Variants in SQSTM1 observed in about 807,000 individuals in gnomAD.
SQSTM1 encodes the protein sequestosome-1.
A neutral mutation model predicts 45.1 loss-of-function variants in SQSTM1; 36 were observed. The ratio of observed to expected loss-of-function variants is 0.80; its 90% CI spans 0.61 to 1.05. The LOEUF is 1.05. Among genes scored for constraint, SQSTM1 ranks in the 50% least tolerant of loss-of-function variants. The probability of loss-of-function intolerance (pLI) is 0.00; values close to 1 mark genes in which losing one functional copy is unlikely to be tolerated. For synonymous variants in SQSTM1, 290 were observed against 244.3 expected (o/e 1.19, Z -1.74); for missense variants, 617 against 607.1 (o/e 1.02, Z -0.17).
At chr5:179,821,213 C>G in intron 1 of SQSTM1, 72 bp downstream of exon 1, 3 of 1,287,372 alleles carry the variant, frequency 2.3e-6, no homozygotes, top group Non-Finnish European at 2.0e-6. Flanking sequence ...GGTGGCTGCC[C>G]CCTCCCTTCT....
intron 2 of SQSTM1, chr5:179,813,639 A>T (rs1757499839): frequency 6.6e-6 from 1 of 152,046 alleles, no homozygotes; most frequent in South Asian, 2.1e-4. Context: ...GTTGGCATGT[A>T]CCTGTAGTCC....
intron 5 of SQSTM1, among the ~76,000 whole-genome samples, chr5:179,827,206 TCA>T (rs34923839): frequency 0.5 from 76,643 of 151,854 alleles, 19,799 homozygotes; most frequent in East Asian, 0.79. Flanking sequence ...GTGCTTGGGG[TCA>T]CACTGTCTCA....
chr5:179,834,573 T>TA lies in SQSTM1; in HGVS notation c.1165+791_1165+792insA, dbSNP rs556972914. ...GAGGACCCTGCGGCCTTCCGCAGCG[T>TA]TTGTGTCCCTGGGTACTTGAGATTA... On this transcript the variant is annotated intron_variant, in intron 7 of 7. Coordinates refer to ENST00000389805, the MANE Select transcript of SQSTM1 (RefSeq NM_003900.5). 9.3e-3 allele frequency among the ~76,000 whole-genome samples: 1,416 copies of TA among 151,696 alleles called. 24 individuals are homozygous for TA. The highest frequency in any genetic ancestry group is 0.033 in the African/African-American group (1,352 of 41,276).
At chr5:179,833,270 C>G (rs997524967) in intron 6 of SQSTM1, 24 bp downstream of exon 6, 106 of 1,548,238 alleles carry the variant, frequency 6.8e-5, no homozygotes, top group Non-Finnish European at 8.8e-5. Flanking sequence ...CCTCCCGCCA[C>G]CTGGGACCAC....
upstream of SQSTM1, among the ~76,000 whole-genome samples, chr5:179,819,236 G>A (rs1757677007): frequency 6.6e-6 from 1 of 152,188 alleles, no homozygotes; most frequent in African/African-American, 2.4e-5. Flanking sequence ...CGGCCGCTGG[G>A]GCCGCAAGGC....
At chr5:179,813,714 C>T (rs991947956) in intron 2 of SQSTM1, 24 of 152,046 alleles carry the variant, frequency 1.6e-4, no homozygotes, top group Non-Finnish European at 8.8e-5. Context: ...CTCTAATTGC[C>T]ACTGCACTTC....
chr5:179,832,990 T>C, intron 5 of SQSTM1, 42 bp from the exon 6 acceptor site: 3 of 1,607,682 alleles, frequency 1.9e-6, no homozygotes, highest in Non-Finnish European at 2.6e-6. Context: ...GGTGCATCCT[T>C]GGGGGAACTT....
Position 179,837,402 on chromosome 5 carries a change from C to T in SQSTM1, c.*809C>T. ...CTGCCAGTCCCAGATCACACATCAT[C>T]ATCGAAGTCTTCCCCAGTTATAAAG... On this transcript the variant is annotated 3_prime_UTR_variant, in exon 8 of 8. Transcript: ENST00000389805. The T allele has an allele frequency of 6.3e-7, 1 of 1,591,474 alleles. No homozygotes were observed. Among genetic ancestry groups the T allele is most frequent in the Non-Finnish European group, 8.6e-7 (1 of 1,166,960 alleles).
At position 179,806,736 on chromosome 5, in the gene SQSTM1, C is replaced by G. The variant is rs1430367785; in HGVS notation, c.-157+145C>G. ...CGGGGGGCCCGGGGCCGGGCGGGGACCGGGCCAGGGAGCGCGCCGGCCGCC... is the reference window on the plus strand; with the variant it reads ...CGGGGGGCCCGGGGCCGGGCGGGGAGCGGGCCAGGGAGCGCGCCGGCCGCC... On this transcript the variant is annotated intron_variant, in intron 1 of 5. Coordinates refer to the SQSTM1 transcript ENST00000514093. The surrounding 1 kb of genome is among the most constrained non-coding windows in gnomAD (Gnocchi z 4.6). 1 of 157,128 alleles carries G rather than the reference C, an allele frequency of 6.4e-6. No individual in the cohort carries two copies. The allele number at this position is 157,128 out of a possible 1,614,324, so 9.7% of individuals were successfully genotyped here.
At chr5:179,836,356 G>C in intron 7 of SQSTM1, 80 bp from the exon 8 acceptor site, 1 of 1,598,170 alleles carries the variant, frequency 6.3e-7, no homozygotes, top group Non-Finnish European at 8.6e-7. Context: ...GTCCTGGCTG[G>C]CCAAGGCAGC....
chr5:179,835,744 A>C lies in SQSTM1; in HGVS notation c.1166-692A>C, dbSNP rs371527918. The C allele has an allele frequency of 6.8e-5, 11 of 160,908 alleles. No individual in the cohort carries two copies. The East Asian group carries it at 1.3e-3, about 19-fold the overall frequency. 10.0% of individuals were successfully genotyped at this position (160,908 alleles called of 1,614,324 possible). ...CATCATCATAGCTTAGCATCTACTC[A>C]TAAGTGAGAACATATGATATTTGGT... On this transcript the variant is annotated intron_variant, in intron 7 of 7. Transcript: ENST00000389805.
chr5:179,837,356 A>G lies in SQSTM1; in HGVS notation c.*763A>G. 6.3e-7 allele frequency: 1 copy of G among 1,581,818 alleles called. No individual in the cohort carries two copies. Among genetic ancestry groups the G allele is most frequent in the African/African-American group, 1.4e-5 (1 of 74,030 alleles). ...TTAGGGGAACCCTGTCCCTCCTAAC[A>G]AGTGTATCTCGATTAATAACCTGCC... On this transcript the variant is annotated 3_prime_UTR_variant, in exon 8 of 8. Transcript: ENST00000389805.
chr5:179,823,064 G>A lies in SQSTM1; in HGVS notation c.301+11G>A. On this transcript the variant is annotated intron_variant, in intron 2 of 7. Coordinates refer to ENST00000389805, the MANE Select transcript of SQSTM1 (RefSeq NM_003900.5). ...GAATCTACATTAAAGGTAAGGGGCTGCTCTGGGGGCTGCCTGAAGCCAGCT... is the reference window on the plus strand; with the variant it reads ...GAATCTACATTAAAGGTAAGGGGCTACTCTGGGGGCTGCCTGAAGCCAGCT... 2 of 1,612,026 alleles carry A rather than the reference G, an allele frequency of 1.2e-6. No homozygotes were observed. Among genetic ancestry groups the A allele is most frequent in the East Asian group, 2.2e-5 (1 of 44,864 alleles).
chr5:179,832,026 G>A (rs187263882), intron 5 of SQSTM1, among the ~76,000 whole-genome samples: 204 of 152,196 alleles, frequency 1.3e-3, no homozygotes, highest in Non-Finnish European at 2.3e-3. Flanking sequence ...CTCGTGATCC[G>A]CCCGCCTCGG....
At chr5:179,834,834 T>G (rs1334196131) in intron 7 of SQSTM1, among the ~76,000 whole-genome samples, 9 of 152,362 alleles carry the variant, frequency 5.9e-5, no homozygotes, top group African/African-American at 2.2e-4. Flanking sequence ...CCATCCGATT[T>G]CTCAATCTTT....
At chr5:179,824,565 C>G (rs1757922024) in intron 4 of SQSTM1, among the ~76,000 whole-genome samples, 1 of 152,184 alleles carries the variant, frequency 6.6e-6, no homozygotes, top group African/African-American at 2.4e-5. Context: ...CTTCCTACCT[C>G]AGGAGGCTGC....
Position 179,821,157 on chromosome 5 carries a change from A to G in SQSTM1, c.205+16A>G. 1 of 1,325,668 alleles carries G rather than the reference A, an allele frequency of 7.5e-7. No homozygotes were observed. The highest frequency in any genetic ancestry group is 2.0e-5 in the South Asian group (1 of 50,700). The allele number at this position is 1,325,668 out of a possible 1,614,324, so 82.1% of individuals were successfully genotyped here. A position where few individuals can be genotyped will look rare whatever the true frequency, so the allele number is the denominator to read the frequency against. ...CACTACCGCGGTGAGCGGGCCGGGG[A>G]GCGGCGGGGGCGGTGACGCAGGCCG... On this transcript the variant is annotated intron_variant, in intron 1 of 7. Transcript: ENST00000389805.
At position 179,833,677 on chromosome 5, in the gene SQSTM1, C is replaced by A; in HGVS notation, c.1060C>A (p.Gln354Lys). 1 of 1,614,182 alleles carries A rather than the reference C, an allele frequency of 6.2e-7. No individual in the cohort carries two copies. Among genetic ancestry groups the A allele is most frequent in the Non-Finnish European group, 8.5e-7 (1 of 1,180,018 alleles). The change falls in exon 7 of 8, where the codon CAG becomes AAG. Residue 354 changes from glutamine to lysine, a missense_variant. Coordinates refer to ENST00000389805, the MANE Select transcript of SQSTM1 (RefSeq NM_003900.5). ...KEVDPSTGEL[Q>K]SLQMPESEGP... is the part of the protein sequence containing the mutation. ...AGTGGACCCGTCTACAGGTGAACTC[C>A]AGTCCCTACAGATGCCAGAATCCGA...
At position 179,810,663 on chromosome 5, in the gene SQSTM1, T is replaced by C. The variant is rs1757368888; in HGVS notation, c.-156-911T>C. Among the ~76,000 whole-genome samples, 4 of 152,246 alleles carry C rather than the reference T, an allele frequency of 2.6e-5. No homozygotes were observed. In the South Asian group the frequency reaches 8.3e-4, roughly 31 times the overall value. ...GGATTGCTGGGTCAAATGGCATTTC[T>C]AGTTCTAGATCCCTGAGGAATCGCT... On this transcript the variant is annotated intron_variant, in intron 1 of 5. Transcript: ENST00000514093.
Sources: gnomAD v4.1 joint callset for allele counts (sites outside exome capture counted in the v4.1 genomes callset) on GRCh38, gnomAD v4.1.1 for gene constraint, Gnocchi (gnomAD v3.1) non-coding constraint, MANE v1.5 for transcripts, NCBI Gene and HGNC (gene_info 2026-07-23, HGNC 2026-07-21) for gene names.